ZNF385D: variants seen among roughly 807,000 people sequenced by gnomAD.
ZNF385D encodes zinc finger protein 385D, also known as zinc finger protein 659.
In ZNF385D, 15 loss-of-function variants were observed where a neutral mutation model predicts 35.8. The ratio of observed to expected loss-of-function variants is 0.42; its 90% CI spans 0.28 to 0.64. The LOEUF (loss-of-function observed/expected upper bound fraction) is 0.64, where lower values mean the gene tolerates loss of function less well. Among genes scored for constraint, ZNF385D ranks in the 30% least tolerant of loss-of-function variants. The pLI, the probability that ZNF385D is intolerant of heterozygous loss-of-function variation, is 0.23. For synonymous variants in ZNF385D, 212 were observed against 186.8 expected, an observed-to-expected ratio of 1.13 and a Z score of -1.10; for missense variants, 474 against 494.6, an observed-to-expected ratio of 0.96 and a Z score of 0.39.
chr3:21,736,916 T>C (rs566928617), intron 1 of ZNF385D, among the ~76,000 whole-genome samples: 1 of 152,168 alleles, frequency 6.6e-6, no homozygotes, highest in Non-Finnish European at 1.5e-5. Flanking sequence ...AAGGATTAAA[T>C]ATGCCTTTTC....
chr3:21,790,639 T>C (rs1002733794), intron 3 of ZNF385D, among the ~76,000 whole-genome samples: 1 of 152,150 alleles, frequency 6.6e-6, no homozygotes, highest in African/African-American at 2.4e-5. Context: ...GGTATTACAT[T>C]TGCAGATGGA....
chr3:21,899,814 C>G (rs1009894054), intron 3 of ZNF385D, among the ~76,000 whole-genome samples: 2 of 152,118 alleles, frequency 1.3e-5, no homozygotes, highest in African/African-American at 2.4e-5. Flanking sequence ...AAATTTCCCA[C>G]TAAAATGATG....
chr3:21,668,282 CAGG>C (rs1338471730), intron 1 of ZNF385D, among the ~76,000 whole-genome samples: 1 of 152,150 alleles, frequency 6.6e-6, no homozygotes, highest in Non-Finnish European at 1.5e-5. Flanking sequence ...CTGATTCATG[CAGG>C]AGTTTACTGG....
intron 3 of ZNF385D, among the ~76,000 whole-genome samples, chr3:22,135,179 A>G (rs7613834): frequency 0.055 from 8,386 of 152,184 alleles, 735 homozygotes; most frequent in African/African-American, 0.18. Flanking sequence ...ACAAATTGAA[A>G]AGAAACAAAA....
chr3:22,034,654 G>A (rs1046701565), intron 3 of ZNF385D, among the ~76,000 whole-genome samples: 1 of 151,958 alleles, frequency 6.6e-6, no homozygotes, highest in Non-Finnish European at 1.5e-5. Context: ...CTCATAATTG[G>A]TATAATAAAA....
chr3:21,865,379 A>T (rs1401370584), intron 3 of ZNF385D, among the ~76,000 whole-genome samples: 2 of 150,086 alleles, frequency 1.3e-5, no homozygotes, highest in African/African-American at 4.8e-5. Context: ...TTCGTGAAAG[A>T]TAAAATCCTT....
chr3:22,192,305 A>G lies in ZNF385D; in HGVS notation c.107-23270T>C, dbSNP rs113122815. ...CCAATAGCCTTTGTTTCCCCAGAAC[A>G]AAGAAATCATATTGTAGCCTGAGAA... On this transcript the variant is annotated intron_variant, in intron 2 of 5. Transcript: ENST00000494108. Among the ~76,000 whole-genome samples the G allele has an allele frequency of 1.8e-3, 279 of 152,296 alleles. 1 individual carries two copies. The highest frequency in any genetic ancestry group is 6.4e-3 in the African/African-American group (268 of 41,580).
At chr3:21,640,414 A>G (rs1221285149) in intron 2 of ZNF385D, among the ~76,000 whole-genome samples, 11 of 152,070 alleles carry the variant, frequency 7.2e-5, no homozygotes. Context: ...ACTGTTATGG[A>G]CTGAAGTTTG....
intron 3 of ZNF385D, among the ~76,000 whole-genome samples, chr3:22,006,318 C>T (rs944948769): frequency 6.6e-6 from 1 of 151,970 alleles, no homozygotes; most frequent in Admixed American, 6.6e-5. Flanking sequence ...TTTTGTATTT[C>T]CTAGTTGTAC....
At chr3:21,913,906 T>A (rs967188587) in intron 3 of ZNF385D, among the ~76,000 whole-genome samples, 5 of 152,134 alleles carry the variant, frequency 3.3e-5, no homozygotes, top group African/African-American at 1.2e-4. Context: ...GTTGGTTATT[T>A]TTGTTCACAG....
intron 3 of ZNF385D, among the ~76,000 whole-genome samples, chr3:22,024,248 T>C (rs1453985252): frequency 6.6e-6 from 1 of 152,116 alleles, no homozygotes; most frequent in Non-Finnish European, 1.5e-5. Context: ...GCTCCTCAAC[T>C]TGCAGATAGC....
chr3:21,670,918 C>T lies in ZNF385D; in HGVS notation c.23-5890G>A, dbSNP rs2066558335. On this transcript the variant is annotated intron_variant, in intron 1 of 7. Coordinates refer to ENST00000281523, the MANE Select transcript of ZNF385D (RefSeq NM_024697.3). Reference sequence around the variant, plus strand: ...AGCATTCCTTGTGGGTAAGAGACCACCGATGGCAGAGTGCTTCTTGCTCAG... The same window carrying T: ...AGCATTCCTTGTGGGTAAGAGACCATCGATGGCAGAGTGCTTCTTGCTCAG... Among the ~76,000 whole-genome samples, 2 of 152,062 alleles carry T rather than the reference C, an allele frequency of 1.3e-5. 1 individual carries two copies.
rs578234737 is a variant in ZNF385D, at chr3:21,790,827, G to A, written c.326-125799C>T. 8.5e-5 allele frequency among the ~76,000 whole-genome samples: 13 copies of A among 152,218 alleles called. No homozygotes were observed. In the East Asian group the frequency reaches 2.5e-3, roughly 29 times the overall value. On this transcript the variant is annotated intron_variant, in intron 3 of 5. Transcript: ENST00000494108. ...GTTTCCTTATTATTGAAGTTAATTT[G>A]TTTCTTCGTAAAGATTGTAAATTTA...
intron 4 of ZNF385D, among the ~76,000 whole-genome samples, chr3:21,500,047 G>A (rs1706245156): frequency 6.6e-6 from 1 of 152,162 alleles, no homozygotes; most frequent in Non-Finnish European, 1.5e-5. Context: ...CTAATTTAGT[G>A]ATGAATCTGA....
intron 3 of ZNF385D, among the ~76,000 whole-genome samples, chr3:21,920,238 C>CT (rs1452193202): frequency 1.3e-5 from 2 of 152,082 alleles, no homozygotes; most frequent in African/African-American, 4.8e-5. Flanking sequence ...CAGATTTTAG[C>CT]TTTTTGAGAG....
At chr3:21,848,178 C>CT (rs917225659) in intron 3 of ZNF385D, among the ~76,000 whole-genome samples, 6 of 151,736 alleles carry the variant, frequency 4.0e-5, no homozygotes, top group Admixed American at 2.0e-4. Context: ...GCAGGATTTC[C>CT]TTTTTTTTAA....
At chr3:21,695,986 A>G (rs544457035) in intron 1 of ZNF385D, among the ~76,000 whole-genome samples, 6 of 152,288 alleles carry the variant, frequency 3.9e-5, no homozygotes, top group South Asian at 4.1e-4. Flanking sequence ...AATTCTCATC[A>G]TAACAGTGCT....
In ZNF385D at chr3:21,786,214, T is replaced by C. The variant is rs189700705; in HGVS notation, c.326-121186A>G. The stretch of plus-strand genomic sequence containing the variant: ...CTAGGATTCCTCACGAAGGACTTTA[T>C]AAGCTTCTCTAAGTGCTAATACTTC... On this transcript the variant is annotated intron_variant, in intron 3 of 5. Coordinates refer to the ZNF385D transcript ENST00000494108. Among the ~76,000 whole-genome samples the C allele has an allele frequency of 2.0e-4, 31 of 152,268 alleles. No individual in the cohort carries two copies. In the Middle Eastern group the frequency reaches 0.01, roughly 50 times the overall value.
chr3:21,502,040 C>T (rs572716179), intron 4 of ZNF385D, among the ~76,000 whole-genome samples: 1 of 152,234 alleles, frequency 6.6e-6, no homozygotes, highest in African/African-American at 2.4e-5. Context: ...GCAAATGCCA[C>T]CCCAAAATAT....
Sources: gnomAD v4.1 joint callset for allele counts (sites outside exome capture counted in the v4.1 genomes callset) on GRCh38, gnomAD v4.1.1 for gene constraint, MANE v1.5 for transcripts, NCBI Gene and HGNC (gene_info 2026-07-23, HGNC 2026-07-21) for gene names.